Variants in RMDN2 observed in about 807,000 individuals in gnomAD.
RMDN2 encodes the protein regulator of microtubule dynamics 2, also known as regulator of microtubule dynamics protein 2.
RMDN2 carries 61 observed loss-of-function variants against 52.8 expected under a neutral mutation model. The ratio of observed to expected loss-of-function variants is 1.16; its 90% confidence interval spans 0.94 to 1.43. The LOEUF (loss-of-function observed/expected upper bound fraction) is 1.43. Ranked by LOEUF, RMDN2 falls within the 40% of genes most tolerant of loss-of-function variation. The probability of loss-of-function intolerance (pLI) is 0.00; values close to 1 mark genes in which losing one functional copy is unlikely to be tolerated. For missense variants in RMDN2, 592 were observed against 475.3 expected (o/e 1.25, Z -2.28); for synonymous variants, 180 against 153.1 (o/e 1.18, Z -1.30).
chr2:37,944,779 G>A (rs1668085479), intron 2 of RMDN2, among the ~76,000 whole-genome samples: 2 of 152,208 alleles, frequency 1.3e-5, no homozygotes, highest in Admixed American at 6.5e-5. Context: ...GTGTAATTAA[G>A]AAGGGGTATC....
intron 10 of RMDN2, among the ~76,000 whole-genome samples, chr2:38,058,710 G>C (rs926589690): frequency 6.6e-6 from 1 of 152,118 alleles, no homozygotes; most frequent in African/African-American, 2.4e-5. Context: ...CTGAGGTTAT[G>C]GGCAGTTTTC....
intron 10 of RMDN2, among the ~76,000 whole-genome samples, chr2:38,065,643 G>T (rs906351152): frequency 2.0e-5 from 3 of 152,194 alleles, no homozygotes; most frequent in Non-Finnish European, 4.4e-5. Context: ...GAGACGGAAG[G>T]GTTCTGATGA....
At chr2:38,012,996 C>G (rs1678219757) in intron 10 of RMDN2, among the ~76,000 whole-genome samples, 1 of 152,182 alleles carries the variant, frequency 6.6e-6, no homozygotes, top group South Asian at 2.1e-4. Flanking sequence ...TTGGGAGTGT[C>G]AGTCGTTTGG....
At chr2:37,946,663 GC>G (rs1668246581) in intron 2 of RMDN2, among the ~76,000 whole-genome samples, 1 of 152,188 alleles carries the variant, frequency 6.6e-6, no homozygotes, top group African/African-American at 2.4e-5. Flanking sequence ...GGAGGTGGTT[GC>G]CCCATTTGAG....
chr2:38,000,333 G>T (rs915593964), intron 8 of RMDN2, among the ~76,000 whole-genome samples: 9 of 152,096 alleles, frequency 5.9e-5, no homozygotes, highest in African/African-American at 1.9e-4. Flanking sequence ...AGAACCTCTG[G>T]GTATCTTGAA....
chr2:38,065,120 A>G (rs1682214555), intron 10 of RMDN2, among the ~76,000 whole-genome samples: 1 of 152,134 alleles, frequency 6.6e-6, no homozygotes, highest in African/African-American at 2.4e-5. Flanking sequence ...GAGTGGATAG[A>G]AAAAATGTGG....
intron 1 of RMDN2, 30 bp from the exon 2 acceptor site, chr2:37,929,232 A>G (rs954027776): frequency 7.8e-7 from 1 of 1,277,400 alleles, no homozygotes; most frequent in Non-Finnish European, 1.1e-6. Flanking sequence ...CATAAACAAC[A>G]TTCATTTACA....
rs138117445 is a variant in RMDN2 at position 37,936,969 on chromosome 2, A to G, written c.452+7240A>G. Among the ~76,000 whole-genome samples the G allele has an allele frequency of 2.1e-3, 317 of 152,302 alleles. 2 individuals carry two copies. Among genetic ancestry groups the G allele is most frequent in the African/African-American group, 7.2e-3 (298 of 41,562 alleles). ...TGTTTTAGTCATGAAGTCTTTGCTC[A>G]TGCCTATGTCCTGAATGATATTGCC... On this transcript the variant is annotated intron_variant, in intron 2 of 10. Coordinates refer to ENST00000354545, the MANE Select transcript of RMDN2 (RefSeq NM_001170791.3).
chr2:37,933,394 T>A (rs1297050802), intron 2 of RMDN2, among the ~76,000 whole-genome samples: 3 of 152,178 alleles, frequency 2.0e-5, no homozygotes, highest in Non-Finnish European at 4.4e-5. Context: ...GGCTGCAATC[T>A]CGGCACTTTG....
chr2:37,935,048 G>C (rs1403869537), intron 2 of RMDN2, among the ~76,000 whole-genome samples: 1 of 151,888 alleles, frequency 6.6e-6, no homozygotes, highest in Non-Finnish European at 1.5e-5. Flanking sequence ...TGACCATATG[G>C]GTCTTTTTTC....
chr2:38,066,955 CT>C, intron 10 of RMDN2: 1 of 1,613,374 alleles, frequency 6.2e-7, no homozygotes, highest in East Asian at 2.2e-5. Context: ...GCAATTTTTA[CT>C]TCTTTTCCTG....
chr2:37,926,961 A>G (rs1162862077), intron 1 of RMDN2, among the ~76,000 whole-genome samples: 3 of 152,202 alleles, frequency 2.0e-5, no homozygotes, highest in Non-Finnish European at 4.4e-5. Flanking sequence ...ATGACTTCAT[A>G]CAACCTTTGA....
intron 4 of RMDN2, among the ~76,000 whole-genome samples, chr2:37,976,634 A>C (rs1672502241): frequency 6.6e-6 from 1 of 152,188 alleles, no homozygotes; most frequent in Non-Finnish European, 1.5e-5. Flanking sequence ...CATATTCATC[A>C]TCAGCTTTGT....
At chr2:37,946,192 A>G (rs1271011827) in intron 2 of RMDN2, among the ~76,000 whole-genome samples, 1 of 152,272 alleles carries the variant, frequency 6.6e-6, no homozygotes, top group Non-Finnish European at 1.5e-5. Context: ...CTTTCTTACA[A>G]TTGATGGTGT....
chr2:37,987,816 T>C (rs960989253), intron 5 of RMDN2, among the ~76,000 whole-genome samples: 2 of 152,082 alleles, frequency 1.3e-5, no homozygotes, highest in Admixed American at 1.3e-4. Flanking sequence ...CCCAGCGCTT[T>C]GGGAGGTCGA....
rs761918286 is a variant in RMDN2, at chr2:37,997,480, C to T, written c.1010C>T (p.Ser337Leu). 9.9e-6 allele frequency: 16 copies of T among 1,613,376 alleles called. No homozygotes were observed. Among genetic ancestry groups the T allele is most frequent in the Middle Eastern group, 1.6e-4 (1 of 6,082 alleles). Residue 337 changes from serine (S) to leucine (L), a missense_variant, in exon 8 of 11, where the codon TCA (serine) becomes TTA (leucine). Transcript: ENST00000354545. ...ACTCTGTTTGGAAAAATACCATCTT[C>T]AACTGTACAAGAAGCTTTACACAAT... is the stretch of plus-strand genomic sequence containing the variant. ...AATLFGKIPS[S>L]TVQEALHNFL...
intron 2 of RMDN2, among the ~76,000 whole-genome samples, chr2:37,961,988 C>T (rs1241891146): frequency 6.6e-6 from 1 of 152,238 alleles, no homozygotes; most frequent in East Asian, 1.9e-4. Flanking sequence ...GAGTCCACTC[C>T]AAACACTGTT....
chr2:38,052,636 G>T (rs1289679234), intron 10 of RMDN2, among the ~76,000 whole-genome samples: 2 of 152,102 alleles, frequency 1.3e-5, no homozygotes, highest in Admixed American at 6.6e-5. Flanking sequence ...TATAGTCCCA[G>T]GACCTTCATA....
intron 3 of RMDN2, 36 bp downstream of exon 3, chr2:37,974,250 A>G (rs201338061): frequency 3.4e-5 from 46 of 1,358,126 alleles, no homozygotes; most frequent in Non-Finnish European, 4.5e-5. Flanking sequence ...GTATAGTTCC[A>G]TTTTTTAATT....
Sources: allele counts gnomAD v4.1 joint callset (sites outside exome capture counted in the v4.1 genomes callset), GRCh38; gene constraint gnomAD v4.1.1; transcripts MANE v1.5; gene names NCBI Gene and HGNC (gene_info 2026-07-23, HGNC 2026-07-21).